POLD3: variants seen among roughly 807,000 people sequenced by gnomAD.
The protein encoded by POLD3 is DNA polymerase delta subunit 3.
In POLD3, 19 loss-of-function variants were observed where a neutral mutation model predicts 58.2. That is an observed-to-expected ratio of 0.33 (90% CI 0.23 to 0.48). The LOEUF is 0.48. POLD3 is among the 20% of genes least tolerant of loss of function. The pLI is 0.99. For missense variants in POLD3, 504 were observed against 545.5 expected (o/e 0.92, Z 0.76); for synonymous variants, 172 against 193.5 (o/e 0.89, Z 0.92).
intron 3 of POLD3, among the ~76,000 whole-genome samples, chr11:74,608,936 C>A (rs1367022756): frequency 6.6e-6 from 1 of 152,112 alleles, no homozygotes; most frequent in Non-Finnish European, 1.5e-5. Context: ...TTAATAATCC[C>A]AGCTCAAACT....
Position 74,622,092 on chromosome 11 carries a change from T to C in POLD3, c.733+2003T>C, listed in dbSNP as rs1388006820. ...GTGTCCATGTGTTCTCATTGTTCAA[T>C]TCCCACCTATGAGTGAGAATATGCG... On this transcript the variant is annotated intron_variant, in intron 7 of 11. Transcript: ENST00000263681. 3.5e-5 allele frequency among the ~76,000 whole-genome samples: 5 copies of C among 143,574 alleles called. No individual in the cohort carries two copies. The Admixed American group carries it at 3.6e-4, about 10-fold the overall frequency. 94.2% of individuals were successfully genotyped at this position (143,574 alleles called of 152,430 possible). A position where few individuals can be genotyped will look rare whatever the true frequency, so the allele number is the denominator to read the frequency against.
At chr11:74,594,714 C>CG (rs1425390583) in intron 2 of POLD3, among the ~76,000 whole-genome samples, 1 of 152,176 alleles carries the variant, frequency 6.6e-6, no homozygotes, top group Non-Finnish European at 1.5e-5. Flanking sequence ...TTTATAAAGA[C>CG]GAGGTTTAAT....
chr11:74,643,620 G>A (rs2032964004), downstream of POLD3, among the ~76,000 whole-genome samples: 1 of 152,230 alleles, frequency 6.6e-6, no homozygotes, highest in Admixed American at 6.5e-5. Flanking sequence ...TTTCCAGGCA[G>A]AGGAGCATGG....
chr11:74,651,563 A>T (rs2033068924), intron 4 of POLD3, among the ~76,000 whole-genome samples: 1 of 152,240 alleles, frequency 6.6e-6, no homozygotes, highest in Admixed American at 6.5e-5. Context: ...AAGGATCTGT[A>T]CAGGGCACTA....
intron 7 of POLD3, 135 bp from the exon 8 acceptor site, chr11:74,625,273 G>A: frequency 7.5e-6 from 4 of 532,920 alleles, no homozygotes; most frequent in Non-Finnish European, 1.3e-5. Context: ...AAGGAGGAAT[G>A]TTTCTGAATA....
chr11:74,601,068 A>G (rs2031478625), intron 2 of POLD3, among the ~76,000 whole-genome samples: 1 of 152,192 alleles, frequency 6.6e-6, no homozygotes, highest in Non-Finnish European at 1.5e-5. Flanking sequence ...TTCTGTTAAT[A>G]TAAGAGAGAA....
chr11:74,636,379 T>C, intron 11 of POLD3, 104 bp downstream of exon 11: 1 of 1,115,858 alleles, frequency 9.0e-7, no homozygotes, highest in East Asian at 2.4e-5. Context: ...TTAATTTACA[T>C]GTGAATCATG....
At chr11:74,643,956 C>G (rs1474434348), downstream of POLD3, among the ~76,000 whole-genome samples, 1 of 152,202 alleles carries the variant, frequency 6.6e-6, no homozygotes, top group Non-Finnish European at 1.5e-5. Flanking sequence ...TTTCCCTTGT[C>G]TTCCCCCGTC....
intron 11 of POLD3, among the ~76,000 whole-genome samples, chr11:74,637,019 T>C (rs1275045023): frequency 1.3e-5 from 2 of 152,226 alleles, no homozygotes; most frequent in East Asian, 3.8e-4. Context: ...CCTGGTACTG[T>C]ATTTTTGTGT....
In POLD3 at chr11:74,642,821, C is replaced by T; in HGVS notation, c.*2055C>T. 1.0e-6 allele frequency: 1 copy of T among 985,308 alleles called. No homozygotes were observed. Among genetic ancestry groups the T allele is most frequent in the South Asian group, 4.7e-5 (1 of 21,272 alleles). 61.0% of individuals were successfully genotyped at this position (985,308 alleles called of 1,614,324 possible). ...TCTGAATGGGAAGAAGGCTGGTTTT[C>T]AGTTGATATTGTTAAAACTGCATAC... On this transcript the variant is annotated 3_prime_UTR_variant, in exon 12 of 12. Transcript: ENST00000263681.
In POLD3 at chr11:74,596,821, T is replaced by C. The variant is rs114193702; in HGVS notation, c.116+2705T>C. On this transcript the variant is annotated intron_variant, in intron 2 of 11. Transcript: ENST00000263681. ...AATTCTGCTTTCCACTTCCGTGAGATCACCTTTTACAGATTCCACAAATGA... is the reference window on the plus strand; with the variant it reads ...AATTCTGCTTTCCACTTCCGTGAGACCACCTTTTACAGATTCCACAAATGA... Among the ~76,000 whole-genome samples the C allele has an allele frequency of 7.2e-3, 1,098 of 152,332 alleles. 20 individuals are homozygous for C. Among genetic ancestry groups the C allele is most frequent in the Middle Eastern group, 0.027 (8 of 294 alleles).
intron 4 of POLD3, among the ~76,000 whole-genome samples, chr11:74,663,058 T>C (rs1006209530): frequency 6.6e-6 from 1 of 152,232 alleles, no homozygotes; most frequent in Admixed American, 6.5e-5. Context: ...TTCAAGACTA[T>C]AATTTCGAAG....
intron 10 of POLD3, 46 bp downstream of exon 10, chr11:74,634,741 C>A (rs570519718): frequency 2.9e-5 from 31 of 1,061,348 alleles, no homozygotes; most frequent in South Asian, 2.6e-4. Context: ...TCCTTTGTGT[C>A]TTAAGGACCT....
chr11:74,613,784 C>T (rs1412879765), intron 5 of POLD3, among the ~76,000 whole-genome samples: 2 of 152,122 alleles, frequency 1.3e-5, no homozygotes, highest in Non-Finnish European at 2.9e-5. Context: ...TGCCCGCGTA[C>T]CTTTTCATGT....
intron 8 of POLD3, among the ~76,000 whole-genome samples, chr11:74,628,323 C>T (rs769167602): frequency 6.6e-5 from 10 of 152,120 alleles, no homozygotes; most frequent in Admixed American, 4.6e-4. Context: ...TGTTAATTTT[C>T]TCTTATTTTT....
In POLD3 at chr11:74,642,811, G is replaced by A. The variant is rs1185005037; in HGVS notation, c.*2045G>A. 4.1e-6 allele frequency: 4 copies of A among 985,260 alleles called. No individual in the cohort carries two copies. Among genetic ancestry groups the A allele is most frequent in the Admixed American group, 1.2e-4 (2 of 16,268 alleles). The allele number at this position is 985,260 out of a possible 1,614,324, so 61.0% of individuals were successfully genotyped here. ...TTATTTAAGCTCTGAATGGGAAGAA[G>A]GCTGGTTTTCAGTTGATATTGTTAA... is the stretch of plus-strand genomic sequence containing the variant. On this transcript the variant is annotated 3_prime_UTR_variant, in exon 12 of 12. Coordinates refer to ENST00000263681, the MANE Select transcript of POLD3 (RefSeq NM_006591.3).
intron 5 of POLD3, among the ~76,000 whole-genome samples, chr11:74,618,011 G>A (rs1018119156): frequency 1.1e-4 from 16 of 152,284 alleles, no homozygotes; most frequent in African/African-American, 2.2e-4. Context: ...GAGCCAATGC[G>A]CCCAACCCTA....
chr11:74,604,971 G>A (rs1463832229), intron 3 of POLD3, among the ~76,000 whole-genome samples, 177 bp downstream of exon 3: 1 of 152,156 alleles, frequency 6.6e-6, no homozygotes, highest in Non-Finnish European at 1.5e-5. Context: ...AGAAGTTTGG[G>A]TAATATCTTG....
At chr11:74,659,316 C>G (rs1411421242) in intron 4 of POLD3, among the ~76,000 whole-genome samples, 1 of 152,132 alleles carries the variant, frequency 6.6e-6, no homozygotes, top group Admixed American at 6.5e-5. Flanking sequence ...ACCTATGAAA[C>G]CACTTTTTCC....
Sources: allele counts gnomAD v4.1 joint callset (sites outside exome capture counted in the v4.1 genomes callset), GRCh38; gene constraint gnomAD v4.1.1; transcripts MANE v1.5; gene names NCBI Gene and HGNC (gene_info 2026-07-23, HGNC 2026-07-21).